LRMDA: variants seen among roughly 807,000 people sequenced by gnomAD.
LRMDA encodes leucine-rich melanocyte differentiation-associated protein.
Under a neutral mutation model 29.8 loss-of-function variants are expected in LRMDA, and 18 were observed. The observed-to-expected ratio is 0.60, with a 90% CI of 0.42 to 0.90. The LOEUF (loss-of-function observed/expected upper bound fraction) is 0.90, where lower values mean the gene tolerates loss of function less well. Ranked by LOEUF, LRMDA falls within the 40% of genes least tolerant of loss-of-function variation. The pLI is 0.00. For synonymous variants in LRMDA, 125 were observed against 109.4 expected, an observed-to-expected ratio of 1.14 and a Z score of -0.89; for missense variants, 273 against 273.9, an observed-to-expected ratio of 1.00 and a Z score of 0.02.
At chr10:75,885,135 G>A (rs998918276) in intron 2 of LRMDA, among the ~76,000 whole-genome samples, 5 of 152,234 alleles carry the variant, frequency 3.3e-5, no homozygotes, top group South Asian at 2.1e-4. Context: ...CAGCAGTTCA[G>A]GAGGCCAGGG....
intron 6 of LRMDA, among the ~76,000 whole-genome samples, chr10:76,424,003 G>C (rs1204729514): frequency 6.6e-6 from 1 of 152,156 alleles, no homozygotes; most frequent in Non-Finnish European, 1.5e-5. Flanking sequence ...GTGATCCCAA[G>C]TTCTGGTTCA....
chr10:76,141,543 C>T (rs976302963), intron 5 of LRMDA, among the ~76,000 whole-genome samples: 1 of 152,068 alleles, frequency 6.6e-6, no homozygotes, highest in Non-Finnish European at 1.5e-5. Context: ...TAAGTACTCC[C>T]ACCTGATGTG....
At chr10:76,042,335 G>T (rs1053002662) in intron 3 of LRMDA, among the ~76,000 whole-genome samples, 1 of 152,170 alleles carries the variant, frequency 6.6e-6, no homozygotes, top group Non-Finnish European at 1.5e-5. Flanking sequence ...ATACCCAAAA[G>T]CAGGCAGGCT....
chr10:75,933,703 A>G (rs1846240969), intron 2 of LRMDA, among the ~76,000 whole-genome samples: 1 of 152,164 alleles, frequency 6.6e-6, no homozygotes, highest in Admixed American at 6.5e-5. Context: ...TTGGTGAGAC[A>G]GGTGGGAGGG....
intron 6 of LRMDA, among the ~76,000 whole-genome samples, chr10:76,471,783 A>G (rs571381181): frequency 1.8e-4 from 28 of 151,906 alleles, no homozygotes; most frequent in Middle Eastern, 3.4e-3. Context: ...TACGAATAGC[A>G]GAAAAAAATA....
rs190816650 is a variant in LRMDA, at chr10:75,848,025, T to C, written c.132-187983T>C. ...TAGAGGTTCCTCAGAAAATTAAAAG[T>C]AGAATTACCTTATGATCTAGCACTC... On this transcript the variant is annotated intron_variant, in intron 2 of 6. Coordinates refer to ENST00000611255, the MANE Select transcript of LRMDA (RefSeq NM_001305581.2). Among the ~76,000 whole-genome samples, 24 of 152,304 alleles carry C rather than the reference T, an allele frequency of 1.6e-4. No individual in the cohort carries two copies. The East Asian group carries it at 4.2e-3, about 27-fold the overall frequency.
chr10:75,436,838 C>T (rs531745634), intron 1 of LRMDA, among the ~76,000 whole-genome samples: 8 of 152,258 alleles, frequency 5.3e-5, no homozygotes, highest in Non-Finnish European at 8.8e-5. Context: ...GCCTTATAGC[C>T]ACAGTCTCTC....
At chr10:76,458,556 A>T (rs78799449) in intron 6 of LRMDA, among the ~76,000 whole-genome samples, 1,986 of 152,260 alleles carry the variant, frequency 0.013, 19 homozygotes, top group African/African-American at 0.035. Context: ...TGAATGGGAT[A>T]TGGGGAAGCT....
chr10:75,529,405 AG>A (rs1440642930), intron 2 of LRMDA, among the ~76,000 whole-genome samples: 3 of 152,236 alleles, frequency 2.0e-5, no homozygotes, highest in Non-Finnish European at 4.4e-5. Flanking sequence ...AGATAATTGT[AG>A]GTATGAAATG....
chr10:76,050,538 C>T (rs976930392), intron 4 of LRMDA, among the ~76,000 whole-genome samples: 4 of 152,200 alleles, frequency 2.6e-5, no homozygotes, highest in African/African-American at 9.7e-5. Flanking sequence ...ATTATAGGAG[C>T]TTAAACCTGT....
intron 2 of LRMDA, among the ~76,000 whole-genome samples, chr10:75,466,383 G>A (rs571985100): frequency 6.6e-6 from 1 of 152,156 alleles, no homozygotes; most frequent in East Asian, 1.9e-4. Flanking sequence ...ATTCCAGGGG[G>A]ATGGGGTGGG....
chr10:75,471,304 T>C (rs1302048689), intron 2 of LRMDA, among the ~76,000 whole-genome samples: 2 of 118,876 alleles, frequency 1.7e-5, no homozygotes, highest in African/African-American at 5.4e-5. Flanking sequence ...AAAGCTTACC[T>C]TTTTTTTTTT....
chr10:75,834,473 G>A (rs1298020988), intron 2 of LRMDA, among the ~76,000 whole-genome samples: 1 of 152,130 alleles, frequency 6.6e-6, no homozygotes, highest in Non-Finnish European at 1.5e-5. Flanking sequence ...TTTGCAATCT[G>A]AATAGCTGAG....
chr10:76,172,752 G>C (rs1850861766), intron 5 of LRMDA, among the ~76,000 whole-genome samples: 1 of 152,168 alleles, frequency 6.6e-6, no homozygotes, highest in Non-Finnish European at 1.5e-5. Context: ...TGTCTCAATA[G>C]TAGGGCAAGA....
chr10:75,599,226 G>C (rs1346186181), intron 2 of LRMDA, among the ~76,000 whole-genome samples: 1 of 152,212 alleles, frequency 6.6e-6, no homozygotes, highest in Non-Finnish European at 1.5e-5. Flanking sequence ...AAGTGCAGCT[G>C]TCCAAAACAT....
intron 2 of LRMDA, among the ~76,000 whole-genome samples, chr10:75,922,884 T>A (rs1846049291): frequency 6.6e-6 from 1 of 152,186 alleles, no homozygotes; most frequent in South Asian, 2.1e-4. Context: ...TTGTTCTTCA[T>A]CTATTATTGG....
At chr10:76,160,272 A>C (rs1850621200) in intron 5 of LRMDA, among the ~76,000 whole-genome samples, 2 of 151,312 alleles carry the variant, frequency 1.3e-5, no homozygotes, top group African/African-American at 4.9e-5. Context: ...GTAGATTCAC[A>C]TGTGTCATTT....
chr10:76,546,215 G>A (rs143601892), intron 6 of LRMDA, among the ~76,000 whole-genome samples: 1 of 152,292 alleles, frequency 6.6e-6, no homozygotes, highest in Non-Finnish European at 1.5e-5. Context: ...GCTTTATGAT[G>A]CATGGGCGAA....
intron 2 of LRMDA, among the ~76,000 whole-genome samples, chr10:76,000,216 G>A (rs1847537891): frequency 6.6e-6 from 1 of 152,130 alleles, no homozygotes; most frequent in South Asian, 2.1e-4. Context: ...TGATGAATGC[G>A]AGAGCCCTGA....
Sources: gnomAD v4.1 joint callset for allele counts (sites outside exome capture counted in the v4.1 genomes callset) on GRCh38, gnomAD v4.1.1 for gene constraint, MANE v1.5 for transcripts, NCBI Gene and HGNC (gene_info 2026-07-23, HGNC 2026-07-21) for gene names.